AJAP1: variants seen among roughly 807,000 people sequenced by gnomAD.
AJAP1 encodes the protein adherens junctions associated protein 1, also known as adherens junction-associated protein 1.
Under a neutral mutation model 35.0 loss-of-function variants are expected in AJAP1, and 5 were observed. The observed-to-expected ratio is 0.14, with a 90% CI of 0.07 to 0.30. The LOEUF (loss-of-function observed/expected upper bound fraction) is 0.30. Among genes scored for constraint, AJAP1 ranks in the 10% least tolerant of loss-of-function variants. The pLI is 1.00. For missense variants in AJAP1, 586 were observed against 571.0 expected (o/e 1.03, Z -0.27); for synonymous variants, 284 against 249.3 (o/e 1.14, Z -1.31).
intron 1 of AJAP1, among the ~76,000 whole-genome samples, chr1:4,698,534 C>T (rs6664475): frequency 0.095 from 14,503 of 152,210 alleles, 804 homozygotes; most frequent in African/African-American, 0.14. Context: ...TTCCCCCTCC[C>T]GCCGAAATCC....
At chr1:4,770,089 C>G in intron 3 of AJAP1, 149 bp downstream of exon 3, 2 of 703,598 alleles carry the variant, frequency 2.8e-6, no homozygotes, top group Non-Finnish European at 4.8e-6. Flanking sequence ...TGCTCACCGT[C>G]CAGCGCTGCC....
chr1:4,778,567 C>T (rs1276235808), intron 5 of AJAP1, among the ~76,000 whole-genome samples: 4 of 120,830 alleles, frequency 3.3e-5, no homozygotes, highest in South Asian at 2.8e-4. Context: ...GCAGGATTGG[C>T]GCCATCTCTC....
intron 2 of AJAP1, among the ~76,000 whole-genome samples, chr1:4,730,922 A>T (rs185708075): frequency 1.8e-4 from 28 of 152,242 alleles, no homozygotes; most frequent in African/African-American, 6.0e-4. Context: ...ATCACAAAGT[A>T]TGTCCCTGAC....
chr1:4,779,411 C>A (rs1467299288), intron 5 of AJAP1, among the ~76,000 whole-genome samples: 1 of 151,638 alleles, frequency 6.6e-6, no homozygotes, highest in Non-Finnish European at 1.5e-5. Context: ...TCTCAGCTCG[C>A]TGTAAGCTCC....
chr1:4,769,604 G>A (rs1419706058), intron 2 of AJAP1, among the ~76,000 whole-genome samples: 2 of 152,100 alleles, frequency 1.3e-5, no homozygotes. Context: ...ACAGGGTGGT[G>A]GTGGAAGGAG....
At chr1:4,695,441 G>A (rs60796722) in intron 1 of AJAP1, among the ~76,000 whole-genome samples, 14,044 of 152,208 alleles carry the variant, frequency 0.092, 853 homozygotes, top group African/African-American at 0.16. Context: ...AGGTGGGCCC[G>A]TGCTTGTGAG....
chr1:4,755,819 G>GT (rs112286312), intron 2 of AJAP1, among the ~76,000 whole-genome samples: 9,247 of 151,922 alleles, frequency 0.061, 299 homozygotes, highest in Middle Eastern at 0.11. Flanking sequence ...GGGCGGGGTG[G>GT]TGGGGGGATT....
At chr1:4,662,371 A>G (rs2035454) in intron 1 of AJAP1, among the ~76,000 whole-genome samples, 33,621 of 152,026 alleles carry the variant, frequency 0.22, 4,181 homozygotes, top group Non-Finnish European at 0.28. Flanking sequence ...TGCCTTCTTT[A>G]GTGTCATGTT....
intron 2 of AJAP1, among the ~76,000 whole-genome samples, chr1:4,744,271 C>T (rs759719957): frequency 4.6e-5 from 7 of 152,320 alleles, no homozygotes; most frequent in East Asian, 1.9e-4. Flanking sequence ...AAGCCTCACA[C>T]GGAACCCTCC....
At chr1:4,714,740 G>A (rs1268706229) in intron 2 of AJAP1, among the ~76,000 whole-genome samples, 1 of 152,136 alleles carries the variant, frequency 6.6e-6, no homozygotes, top group South Asian at 2.1e-4. Context: ...ATTCTGGAAC[G>A]CAATGCTGGG....
chr1:4,743,313 A>G (rs1035920657), intron 2 of AJAP1, among the ~76,000 whole-genome samples: 1 of 152,190 alleles, frequency 6.6e-6, no homozygotes, highest in African/African-American at 2.4e-5. Flanking sequence ...AAGAGCGCAC[A>G]TCTTAGCTGG....
At chr1:4,691,231 G>C (rs770471603) in intron 1 of AJAP1, among the ~76,000 whole-genome samples, 1 of 152,270 alleles carries the variant, frequency 6.6e-6, no homozygotes. Flanking sequence ...TCTGGGGCTG[G>C]GGTGTCCAGC....
At chr1:4,737,824 C>G (rs1368884730) in intron 2 of AJAP1, among the ~76,000 whole-genome samples, 2 of 152,156 alleles carry the variant, frequency 1.3e-5, no homozygotes, top group Non-Finnish European at 2.9e-5. Flanking sequence ...ATCGCTTGAG[C>G]CCAGAAGATT....
At chr1:4,719,046 A>G (rs1416640782) in intron 2 of AJAP1, among the ~76,000 whole-genome samples, 1 of 152,162 alleles carries the variant, frequency 6.6e-6, no homozygotes, top group Non-Finnish European at 1.5e-5. Context: ...AAAACCCTGG[A>G]CTGATAACAA....
chr1:4,751,799 G>A (rs900617670), intron 2 of AJAP1, among the ~76,000 whole-genome samples: 5 of 152,174 alleles, frequency 3.3e-5, no homozygotes, highest in East Asian at 3.9e-4. Context: ...TGCAAGGTGC[G>A]TTTCCACTAT....
At chr1:4,764,275 T>C (rs1398763724) in intron 2 of AJAP1, among the ~76,000 whole-genome samples, 2 of 152,210 alleles carry the variant, frequency 1.3e-5, no homozygotes, top group African/African-American at 4.8e-5. Flanking sequence ...CACACTCCTT[T>C]GTGTCCCTGA....
chr1:4,679,823 G>GTC (rs1639440884), intron 1 of AJAP1, among the ~76,000 whole-genome samples: 1 of 149,660 alleles, frequency 6.7e-6, no homozygotes, highest in Non-Finnish European at 1.5e-5. Flanking sequence ...GTGTGTGTGT[G>GTC]TGTGTGTGTG....
rs1640896651 is a variant in AJAP1 at position 4,735,374 on chromosome 1, A to G, written c.829+22675A>G. 2.0e-5 allele frequency among the ~76,000 whole-genome samples: 3 copies of G among 152,102 alleles called. No homozygotes were observed. In the South Asian group the frequency reaches 6.2e-4, roughly 31 times the overall value. On this transcript the variant is annotated intron_variant, in intron 2 of 5. Coordinates refer to ENST00000378191, the MANE Select transcript of AJAP1 (RefSeq NM_018836.4). ...TGCGATGTGCATCAGTGGGGTGAGA[A>G]CGCCTATTGGGAGAGGGGACCAATT...
chr1:4,769,517 G>A (rs1478458801), intron 2 of AJAP1, among the ~76,000 whole-genome samples: 1 of 152,202 alleles, frequency 6.6e-6, no homozygotes, highest in East Asian at 1.9e-4. Flanking sequence ...CCGCCAGGTA[G>A]AGGAGGCAGG....
Sources: gnomAD v4.1 joint callset for allele counts (sites outside exome capture counted in the v4.1 genomes callset) on GRCh38, gnomAD v4.1.1 for gene constraint, MANE v1.5 for transcripts, NCBI Gene and HGNC (gene_info 2026-07-23, HGNC 2026-07-21) for gene names.